Variants in NPAS3 observed in about 807,000 individuals in gnomAD.
The protein encoded by NPAS3 is neuronal PAS domain protein 3.
A neutral mutation model predicts 73.1 loss-of-function variants in NPAS3; 14 were observed. That is an observed-to-expected ratio of 0.19 (90% CI 0.13 to 0.30). The LOEUF (loss-of-function observed/expected upper bound fraction) is 0.30, where lower values mean the gene tolerates loss of function less well. Ranked by LOEUF, NPAS3 falls within the 10% of genes least tolerant of loss-of-function variation. The pLI, the probability that NPAS3 is intolerant of heterozygous loss-of-function variation, is 1.00. For missense variants in NPAS3, 1,096 were observed against 1,250.0 expected (o/e 0.88, Z 1.86); for synonymous variants, 620 against 541.5 (o/e 1.14, Z -2.01).
chr14:33,257,360 T>G lies in NPAS3; in HGVS notation c.385+41934T>G, dbSNP rs150675091. 1.8e-3 allele frequency among the ~76,000 whole-genome samples: 277 copies of G among 152,292 alleles called. 1 individual carries two copies. The highest frequency in any genetic ancestry group is 6.3e-3 in the African/African-American group (262 of 41,552). ...TCCAGGGTTCTCCAGGCCTTGGGCT[T>G]TATTCCTTTAATGAGTCCCTCTTTG... is the stretch of plus-strand genomic sequence containing the variant. On this transcript the variant is annotated intron_variant, in intron 3 of 11. Transcript: ENST00000356141.
intron 4 of NPAS3, among the ~76,000 whole-genome samples, chr14:33,421,467 C>T (rs116342644): frequency 0.015 from 2,302 of 151,732 alleles, 58 homozygotes; most frequent in African/African-American, 0.053. Context: ...TTTCTAATGA[C>T]CTTAAGTGAC....
chr14:33,166,527 A>AT (rs886238858), intron 2 of NPAS3, among the ~76,000 whole-genome samples: 5 of 151,890 alleles, frequency 3.3e-5, no homozygotes, highest in African/African-American at 9.7e-5. Context: ...GGATCTTTGT[A>AT]TTTTTTTCCC....
intron 5 of NPAS3, among the ~76,000 whole-genome samples, chr14:33,563,286 A>T (rs1041594081): frequency 6.6e-6 from 1 of 152,120 alleles, no homozygotes; most frequent in South Asian, 2.1e-4. Flanking sequence ...AGAAAACAAG[A>T]TAGGGAAACT....
At chr14:33,281,351 C>T (rs1475484944) in intron 3 of NPAS3, among the ~76,000 whole-genome samples, 1 of 152,054 alleles carries the variant, frequency 6.6e-6, no homozygotes, top group African/African-American at 2.4e-5. Context: ...TTTTTTCAGG[C>T]TGGGCATGGT....
At chr14:33,595,750 A>C (rs1342086071) in intron 5 of NPAS3, among the ~76,000 whole-genome samples, 1 of 152,110 alleles carries the variant, frequency 6.6e-6, no homozygotes, top group East Asian at 1.9e-4. Context: ...GGCTCACTGC[A>C]AGATCCGCCG....
intron 3 of NPAS3, among the ~76,000 whole-genome samples, chr14:33,244,121 T>A (rs796740453): frequency 4.5e-4 from 69 of 151,760 alleles, no homozygotes; most frequent in African/African-American, 1.6e-3. Flanking sequence ...TTCAATTTTA[T>A]TGATATCTAC....
At chr14:33,379,977 C>CTGTGT (rs367545400) in intron 4 of NPAS3, among the ~76,000 whole-genome samples, 2 of 144,232 alleles carry the variant, frequency 1.4e-5, no homozygotes, top group African/African-American at 5.2e-5. Context: ...AGTTATCCCT[C>CTGTGT]GTGTGTGTGT....
intron 1 of NPAS3, among the ~76,000 whole-genome samples, chr14:32,984,662 T>C (rs1161072943): frequency 6.6e-6 from 1 of 152,208 alleles, no homozygotes; most frequent in African/African-American, 2.4e-5. Context: ...AGGAATACTA[T>C]TGTGTTTGTA....
intron 3 of NPAS3, among the ~76,000 whole-genome samples, chr14:33,364,839 T>C (rs1375781350): frequency 2.6e-5 from 4 of 151,932 alleles, no homozygotes; most frequent in Non-Finnish European, 4.4e-5. Context: ...AGCAGCTTTA[T>C]GTTGTTACTG....
chr14:33,123,863 T>TTC (rs1466304671), intron 2 of NPAS3, among the ~76,000 whole-genome samples: 16 of 91,532 alleles, frequency 1.7e-4, no homozygotes, highest in African/African-American at 4.3e-4. Flanking sequence ...CTTTCTTTCT[T>TTC]TTTTTTTTTT....
intron 4 of NPAS3, among the ~76,000 whole-genome samples, chr14:33,410,230 C>G (rs1185874733): frequency 6.6e-6 from 1 of 152,096 alleles, no homozygotes; most frequent in Non-Finnish European, 1.5e-5. Context: ...AGTTTTTCTG[C>G]CTACAGTTAC....
chr14:33,743,808 C>CA (rs1390652326), intron 7 of NPAS3, among the ~76,000 whole-genome samples: 1 of 152,220 alleles, frequency 6.6e-6, no homozygotes, highest in Non-Finnish European at 1.5e-5. Flanking sequence ...GCTTCTACAC[C>CA]AGCACTTGCT....
At chr14:33,524,461 G>C (rs1246541344) in intron 4 of NPAS3, among the ~76,000 whole-genome samples, 1 of 152,148 alleles carries the variant, frequency 6.6e-6, no homozygotes, top group Non-Finnish European at 1.5e-5. Flanking sequence ...TTTTACAAAA[G>C]AGGAAATTGG....
chr14:33,231,241 AG>A (rs1415328395), intron 3 of NPAS3, among the ~76,000 whole-genome samples: 5 of 152,236 alleles, frequency 3.3e-5, no homozygotes, highest in African/African-American at 1.2e-4. Flanking sequence ...TCTTATGTAA[AG>A]GATTTCTATA....
intron 3 of NPAS3, among the ~76,000 whole-genome samples, chr14:33,294,807 T>C (rs1210437122): frequency 2.6e-5 from 4 of 152,268 alleles, no homozygotes; most frequent in African/African-American, 9.6e-5. Context: ...GTGCCCAAAC[T>C]GGAAAGTGAG....
At chr14:33,797,821 T>A (rs2063557537) in intron 11 of NPAS3, among the ~76,000 whole-genome samples, 1 of 151,878 alleles carries the variant, frequency 6.6e-6, no homozygotes, top group Admixed American at 6.6e-5. Flanking sequence ...CATATAGATA[T>A]GTAGTGCTGG....
At chr14:33,461,372 T>C (rs2050257342) in intron 4 of NPAS3, among the ~76,000 whole-genome samples, 1 of 152,216 alleles carries the variant, frequency 6.6e-6, no homozygotes, top group African/African-American at 2.4e-5. Context: ...TTCTGCCTAT[T>C]TCAATAAGAT....
intron 4 of NPAS3, among the ~76,000 whole-genome samples, chr14:33,377,660 C>T (rs2046368469): frequency 6.6e-6 from 1 of 152,166 alleles, no homozygotes; most frequent in Non-Finnish European, 1.5e-5. Context: ...CATATGTCAT[C>T]ATTCACTGAG....
At chr14:33,546,672 T>A (rs2054858841) in intron 4 of NPAS3, among the ~76,000 whole-genome samples, 1 of 152,222 alleles carries the variant, frequency 6.6e-6, no homozygotes, top group Non-Finnish European at 1.5e-5. Flanking sequence ...TAGTTATCAC[T>A]AGGGGCCCCA....
Sources: gnomAD v4.1 joint callset for allele counts (sites outside exome capture counted in the v4.1 genomes callset) on GRCh38, gnomAD v4.1.1 for gene constraint, MANE v1.5 for transcripts, NCBI Gene and HGNC (gene_info 2026-07-23, HGNC 2026-07-21) for gene names.